PCGF5: variants seen among roughly 807,000 people sequenced by gnomAD.
The protein encoded by PCGF5 is polycomb group ring finger 5, also known as polycomb group RING finger protein 5.
PCGF5 carries 9 observed loss-of-function variants against 44.3 expected under a neutral mutation model. That is an observed-to-expected ratio of 0.20 (90% CI 0.12 to 0.35). The LOEUF (loss-of-function observed/expected upper bound fraction) is 0.35. PCGF5 is among the 10% of genes least tolerant of loss of function. The pLI, the probability that PCGF5 is intolerant of heterozygous loss-of-function variation, is 1.00. For missense variants in PCGF5, 146 were observed against 305.3 expected, an observed-to-expected ratio of 0.48 and a Z score of 3.89; for synonymous variants, 95 against 102.5, an observed-to-expected ratio of 0.93 and a Z score of 0.44.
upstream of PCGF5, among the ~76,000 whole-genome samples, chr10:91,160,328 T>C (rs1843361695): frequency 6.6e-6 from 1 of 152,160 alleles, no homozygotes; most frequent in South Asian, 2.1e-4. Flanking sequence ...AGAAGAAAGG[T>C]TGCAGGGAAC....
rs151323358 is a variant in PCGF5, at chr10:91,251,316, C to T, written c.350C>T (p.Pro117Leu). ...GATGATACTTCAAAAGCTGACAAAC[C>T]GAAAGTAGATGAAGAAGGTGATGAA... ...GQDDTSKADK[P>L]KVDEEGDENE... Residue 117 changes from proline to leucine, a missense_variant, in exon 6 of 10, where the codon CCG becomes CTG. Physicochemically the swap from Pro to Leu is moderately conservative, Grantham distance 98 (BLOSUM62 -3). This residue lies in a region of PCGF5 where 123 missense variants were observed against 268.6 expected (regional missense o/e 0.46). Transcript: ENST00000336126. 2.1e-5 allele frequency: 33 copies of T among 1,608,736 alleles called. No homozygotes were observed. The highest frequency in any genetic ancestry group is 2.7e-5 in the African/African-American group (2 of 74,632).
intron 2 of PCGF5, among the ~76,000 whole-genome samples, chr10:91,232,202 T>G (rs1294338420): frequency 6.6e-6 from 1 of 152,114 alleles, no homozygotes; most frequent in East Asian, 1.9e-4. Flanking sequence ...GAGAATAGAT[T>G]CCTAGATTTA....
chr10:91,236,721 A>G (rs1035170258), intron 2 of PCGF5, among the ~76,000 whole-genome samples: 4 of 152,234 alleles, frequency 2.6e-5, no homozygotes, highest in African/African-American at 9.6e-5. Context: ...TTTTTTAAGC[A>G]TCTATGGGAA....
chr10:91,262,231 A>T (rs1425570306), intron 7 of PCGF5, among the ~76,000 whole-genome samples: 4 of 152,046 alleles, frequency 2.6e-5, no homozygotes, highest in African/African-American at 9.7e-5. Context: ...TTTGAGACCA[A>T]CCTGGCCAAC....
At chr10:91,233,751 GT>G (rs1845075158) in intron 2 of PCGF5, among the ~76,000 whole-genome samples, 1 of 152,044 alleles carries the variant, frequency 6.6e-6, no homozygotes, top group African/African-American at 2.4e-5. Flanking sequence ...GCAGATAAGA[GT>G]TTTCAAGACA....
intron 1 of PCGF5, among the ~76,000 whole-genome samples, chr10:91,177,348 G>A (rs973215228): frequency 1.3e-5 from 2 of 152,218 alleles, no homozygotes; most frequent in Admixed American, 6.5e-5. Flanking sequence ...GGCTACTCGG[G>A]GGTCAGGGAC....
At chr10:91,277,217 A>C (rs1053455957) in intron 9 of PCGF5, among the ~76,000 whole-genome samples, 2 of 152,318 alleles carry the variant, frequency 1.3e-5, no homozygotes, top group Non-Finnish European at 2.9e-5. Context: ...TAGCATAGCT[A>C]TAGTAAGCAC....
chr10:91,280,490 A>C lies in PCGF5; in HGVS notation c.*2174A>C, dbSNP rs1023700689. On this transcript the variant is annotated 3_prime_UTR_variant, in exon 10 of 10. Coordinates refer to ENST00000336126, the MANE Select transcript of PCGF5 (RefSeq NM_032373.5). The stretch of plus-strand genomic sequence containing the variant: ...GAAACTGAGAATAGTTTTATATAGA[A>C]TTCTTTTATTTACTGATAATGCATT... The C allele has an allele frequency of 3.9e-5, 6 of 152,616 alleles. No homozygotes were observed. In the East Asian group the frequency reaches 9.6e-4, roughly 24 times the overall value. 9.5% of individuals were successfully genotyped at this position (152,616 alleles called of 1,614,324 possible).
intron 2 of PCGF5, among the ~76,000 whole-genome samples, chr10:91,238,658 A>G (rs574285470): frequency 1.1e-5 from 1 of 91,782 alleles, no homozygotes; most frequent in Non-Finnish European, 1.9e-5. Context: ...TCAGAGACTT[A>G]TCTATCATCC....
intron 1 of PCGF5, among the ~76,000 whole-genome samples, chr10:91,190,151 G>A (rs568083925): frequency 6.6e-6 from 1 of 152,308 alleles, no homozygotes; most frequent in East Asian, 1.9e-4. Flanking sequence ...CTGGTTTCCA[G>A]GTGGCACCTG....
chr10:91,210,339 T>C (rs1442535857), intron 1 of PCGF5, among the ~76,000 whole-genome samples: 1 of 152,248 alleles, frequency 6.6e-6, no homozygotes, highest in East Asian at 1.9e-4. Context: ...CTCTCAATTA[T>C]GTATATGTTA....
At chr10:91,235,421 A>C (rs914594642) in intron 2 of PCGF5, among the ~76,000 whole-genome samples, 5 of 152,212 alleles carry the variant, frequency 3.3e-5, no homozygotes, top group African/African-American at 1.2e-4. Flanking sequence ...GTGATGAGGT[A>C]AGTATAAAGG....
chr10:91,271,569 A>G, intron 8 of PCGF5, 69 bp from the exon 9 acceptor site: 2 of 1,280,120 alleles, frequency 1.6e-6, no homozygotes, highest in Non-Finnish European at 2.3e-6. Flanking sequence ...AAACTATTTT[A>G]AATAATCAAT....
chr10:91,167,822 A>G (rs1843526058), intron 1 of PCGF5, among the ~76,000 whole-genome samples: 1 of 152,230 alleles, frequency 6.6e-6, no homozygotes, highest in South Asian at 2.1e-4. Flanking sequence ...CTGTTGAAAT[A>G]TTCTCCAGAA....
At chr10:91,230,825 G>T (rs1291044220) in intron 2 of PCGF5, among the ~76,000 whole-genome samples, 1 of 151,884 alleles carries the variant, frequency 6.6e-6, no homozygotes, top group Non-Finnish European at 1.5e-5. Flanking sequence ...GTTTGGCCAT[G>T]TTGCCCAGCC....
chr10:91,157,866 A>C, the PCGF5 span, among the ~76,000 whole-genome samples: 1 of 152,196 alleles, frequency 6.6e-6, no homozygotes, highest in African/African-American at 2.4e-5. Context: ...GTTGATCTAG[A>C]ATTAATCCTT....
At chr10:91,257,433 G>A (rs1319973884) in intron 6 of PCGF5, among the ~76,000 whole-genome samples, 2 of 152,100 alleles carry the variant, frequency 1.3e-5, no homozygotes, top group East Asian at 1.9e-4. Context: ...CCACTTCTAA[G>A]TATGTGATCA....
intron 5 of PCGF5, among the ~76,000 whole-genome samples, chr10:91,250,705 A>G (rs925697845): frequency 5.9e-5 from 9 of 151,742 alleles, no homozygotes; most frequent in Admixed American, 5.9e-4. Flanking sequence ...ATACATTTGT[A>G]TATAATATAA....
rs1304786463 is a variant in PCGF5 at position 91,207,219 on chromosome 10, A to G, written c.-183-15470A>G. 2.0e-5 allele frequency among the ~76,000 whole-genome samples: 3 copies of G among 152,164 alleles called. No individual in the cohort carries two copies. The East Asian group carries it at 5.8e-4, about 29-fold the overall frequency. On this transcript the variant is annotated intron_variant, in intron 1 of 9. Transcript: ENST00000614189. Reference sequence around the variant, plus strand: ...AAGTTTAAGACCACTTTGGTGAGGGATGTGCAGCTGGTGGTAGTATTCTTC... The same window carrying G: ...AAGTTTAAGACCACTTTGGTGAGGGGTGTGCAGCTGGTGGTAGTATTCTTC...
Sources: allele counts gnomAD v4.1 joint callset (sites outside exome capture counted in the v4.1 genomes callset), GRCh38; gene constraint gnomAD v4.1.1; regional missense constraint gnomAD v4.1.1; transcripts MANE v1.5; gene names NCBI Gene and HGNC (gene_info 2026-07-23, HGNC 2026-07-21).